SYT2: variants seen among roughly 807,000 people sequenced by gnomAD.
SYT2 encodes synaptotagmin-2.
Under a neutral mutation model 39.9 loss-of-function variants are expected in SYT2, and 15 were observed. The observed-to-expected ratio is 0.38, with a 90% CI of 0.25 to 0.58. SYT2 has a LOEUF of 0.58. Among genes scored for constraint, SYT2 ranks in the 20% least tolerant of loss-of-function variants. The pLI, the probability that SYT2 is intolerant of heterozygous loss-of-function variation, is 0.70. For missense variants in SYT2, 389 were observed against 530.3 expected, an observed-to-expected ratio of 0.73 and a Z score of 2.62; for synonymous variants, 181 against 204.5, an observed-to-expected ratio of 0.89 and a Z score of 0.98.
chr1:202,702,147 C>T (rs145029720), intron 1 of SYT2, among the ~76,000 whole-genome samples: 1 of 152,144 alleles, frequency 6.6e-6, no homozygotes, highest in Non-Finnish European at 1.5e-5. Flanking sequence ...TGCCCCAGGG[C>T]ACCCCTGCCA....
chr1:202,624,848 TGTGTAGTAGG>T (rs1691328105), intron 1 of SYT2, among the ~76,000 whole-genome samples: 1 of 6,796 alleles, frequency 1.5e-4, no homozygotes, highest in African/African-American at 4.9e-4. Context: ...GTGTGTGTGG[TGTGTAGTAGG>T]GTGTGTGGTG....
At chr1:202,605,515 T>C in intron 2 of SYT2, 80 bp downstream of exon 2, 1 of 1,376,128 alleles carries the variant, frequency 7.3e-7, no homozygotes, top group Non-Finnish European at 1.0e-6. Flanking sequence ...GCCAATCACA[T>C]CCCAGTGGTA....
chr1:202,629,925 A>G (rs1691531748), intron 1 of SYT2, among the ~76,000 whole-genome samples: 1 of 105,428 alleles, frequency 9.5e-6, no homozygotes, highest in Non-Finnish European at 2.5e-5. Context: ...GGAAGTCACT[A>G]GCACAAAAGG....
chr1:202,648,544 T>C (rs113064429), intron 1 of SYT2, among the ~76,000 whole-genome samples: 15 of 152,220 alleles, frequency 9.9e-5, no homozygotes, highest in Non-Finnish European at 1.9e-4. Context: ...GTGCCTGCTA[T>C]GGACCAGACA....
At chr1:202,616,561 C>T (rs1691043964) in intron 1 of SYT2, among the ~76,000 whole-genome samples, 1 of 152,212 alleles carries the variant, frequency 6.6e-6, no homozygotes, top group South Asian at 2.1e-4. Context: ...TCACGTCCAC[C>T]TCACTCGTCA....
chr1:202,598,057 C>T (rs1172657749), intron 8 of SYT2, among the ~76,000 whole-genome samples: 1 of 152,188 alleles, frequency 6.6e-6, no homozygotes, highest in Non-Finnish European at 1.5e-5. Context: ...TGGTGCCCTC[C>T]CACTGTGAGG....
At position 202,698,509 on chromosome 1, in the gene SYT2, A is replaced by C. The variant is rs114018953; in HGVS notation, c.-18+11749T>G. Among the ~76,000 whole-genome samples the C allele has an allele frequency of 7.3e-3, 1,113 of 152,332 alleles. 17 individuals are homozygous for C. Among genetic ancestry groups the C allele is most frequent in the African/African-American group, 0.026 (1,076 of 41,574 alleles). ...TCTCAGTGCCAGAGCCACAAAAGCC[A>C]CAGAAGGGACATGAAGACTGCCTGG... On this transcript the variant is annotated intron_variant, in intron 1 of 8. Coordinates refer to ENST00000367268, the MANE Select transcript of SYT2 (RefSeq NM_177402.5).
At chr1:202,700,435 C>T (rs1422293385) in intron 1 of SYT2, among the ~76,000 whole-genome samples, 1 of 152,184 alleles carries the variant, frequency 6.6e-6, no homozygotes, top group Non-Finnish European at 1.5e-5. Flanking sequence ...CCTTTTGGTT[C>T]TAAGACCCGT....
At chr1:202,693,375 T>G (rs1273732079) in intron 1 of SYT2, among the ~76,000 whole-genome samples, 2 of 152,132 alleles carry the variant, frequency 1.3e-5, no homozygotes, top group African/African-American at 2.4e-5. Flanking sequence ...AAGGGTACAG[T>G]GCACAGTTCA....
intron 3 of SYT2, 46 bp from the exon 4 acceptor site, chr1:202,603,164 C>G: frequency 6.2e-7 from 1 of 1,610,668 alleles, no homozygotes; most frequent in African/African-American, 1.3e-5. Flanking sequence ...AGGGGAGGAC[C>G]GAGAAGTCTG....
intron 1 of SYT2, among the ~76,000 whole-genome samples, chr1:202,695,371 A>G (rs1173470272): frequency 6.6e-6 from 1 of 152,148 alleles, no homozygotes; most frequent in African/African-American, 2.4e-5. Flanking sequence ...TGGCAGCCCA[A>G]TCCCACAACT....
At chr1:202,600,807 T>A (rs1690477202) in intron 6 of SYT2, among the ~76,000 whole-genome samples, 1 of 151,938 alleles carries the variant, frequency 6.6e-6, no homozygotes, top group African/African-American at 2.4e-5. Flanking sequence ...GTTGGGAGTA[T>A]GTTTGGGCTC....
intron 1 of SYT2, among the ~76,000 whole-genome samples, chr1:202,624,746 A>C (rs1237245569): frequency 9.2e-6 from 1 of 109,072 alleles, no homozygotes; most frequent in African/African-American, 3.6e-5. Flanking sequence ...GGCATGTAGT[A>C]GGGTGTGTGG....
Position 202,657,104 on chromosome 1 carries a change from G to T in SYT2, c.-17-51315C>A, listed in dbSNP as rs149063366. ...GTGTATGTCCTTTTTAAAATGGGATGTCCAGAGAAGCACAGCACACCCTAC... is the reference window on the plus strand; with the variant it reads ...GTGTATGTCCTTTTTAAAATGGGATTTCCAGAGAAGCACAGCACACCCTAC... On this transcript the variant is annotated intron_variant, in intron 1 of 8. Transcript: ENST00000367268. 8.0e-4 allele frequency among the ~76,000 whole-genome samples: 122 copies of T among 152,334 alleles called. 1 individual carries two copies. The East Asian group carries it at 0.013, about 17-fold the overall frequency.
At chr1:202,625,640 A>C (rs1691380622) in intron 1 of SYT2, among the ~76,000 whole-genome samples, 1 of 152,002 alleles carries the variant, frequency 6.6e-6, no homozygotes, top group African/African-American at 2.4e-5. Flanking sequence ...GCCTGCCTCC[A>C]GCCCCATCTC....
At chr1:202,657,844 G>T (rs1692306716) in intron 1 of SYT2, among the ~76,000 whole-genome samples, 1 of 150,056 alleles carries the variant, frequency 6.7e-6, no homozygotes, top group East Asian at 1.9e-4. Context: ...AGAGCTCAGG[G>T]TATGTTTGGT....
chr1:202,640,952 C>T lies in SYT2; in HGVS notation c.-17-35163G>A, dbSNP rs996298470. The stretch of plus-strand genomic sequence containing the variant: ...CAGCTGCCCTGCCACCTGCTTGCTA[C>T]GCAGCTTGTATTATTATTATTAACA... On this transcript the variant is annotated intron_variant, in intron 1 of 8. Coordinates refer to ENST00000367268, the MANE Select transcript of SYT2 (RefSeq NM_177402.5). Among the ~76,000 whole-genome samples, 10 of 152,152 alleles carry T rather than the reference C, an allele frequency of 6.6e-5. No homozygotes were observed. In the East Asian group the frequency reaches 1.3e-3, roughly 20 times the overall value.
In SYT2 at chr1:202,593,098, C is replaced by G. The variant is rs1431701183; in HGVS notation, c.*3659G>C. 3 of 152,166 alleles carry G rather than the reference C, an allele frequency of 2.0e-5. No individual in the cohort carries two copies. Among genetic ancestry groups the G allele is most frequent in the Non-Finnish European group, 4.4e-5 (3 of 68,056 alleles). The allele number at this position is 152,166 out of a possible 1,614,324, so 9.4% of individuals were successfully genotyped here. ...CCCAAACAGCTTTAGGTGGGAGGGG[C>G]AGAGGAAAGGGAAGGGAAGGGGCAG... On this transcript the variant is annotated 3_prime_UTR_variant, in exon 9 of 9. Transcript: ENST00000367268.
At chr1:202,685,554 T>C (rs1270174200) in intron 1 of SYT2, among the ~76,000 whole-genome samples, 1 of 152,170 alleles carries the variant, frequency 6.6e-6, no homozygotes, top group African/African-American at 2.4e-5. Context: ...ACCCAGCTTC[T>C]TTCCCAGGTA....
Sources: allele counts gnomAD v4.1 joint callset (sites outside exome capture counted in the v4.1 genomes callset), GRCh38; gene constraint gnomAD v4.1.1; transcripts MANE v1.5; gene names NCBI Gene and HGNC (gene_info 2026-07-23, HGNC 2026-07-21).